DUSP16: variants seen among roughly 807,000 people sequenced by gnomAD.
DUSP16 encodes the protein dual specificity protein phosphatase 16.
DUSP16 carries 21 observed loss-of-function variants against 58.3 expected under a neutral mutation model. That is an observed-to-expected ratio of 0.36 (90% confidence interval 0.26 to 0.52). DUSP16 has a LOEUF of 0.52. Ranked by LOEUF, DUSP16 falls within the 20% of genes least tolerant of loss-of-function variation. The pLI is 0.94. For missense variants in DUSP16, 726 were observed against 819.0 expected (o/e 0.89, Z 1.39); for synonymous variants, 320 against 323.8 (o/e 0.99, Z 0.12).
intron 5 of DUSP16, among the ~76,000 whole-genome samples, 160 bp downstream of exon 5, chr12:12,486,868 T>A (rs1943692503): frequency 6.6e-6 from 1 of 152,230 alleles, no homozygotes; most frequent in Non-Finnish European, 1.5e-5. Context: ...CACGTCACCT[T>A]GACCACCAGA....
In DUSP16 at chr12:12,500,646, A is replaced by T. The variant is rs778221824; in HGVS notation, c.404T>A (p.Leu135His). The T allele has an allele frequency of 8.1e-6, 13 of 1,602,812 alleles. No individual in the cohort carries two copies. In the Admixed American group the frequency reaches 1.7e-4, roughly 21 times the overall value. Residue 135 changes from leucine (L) to histidine (H), a missense_variant, in exon 4 of 7, where the codon CTC (leucine) becomes CAC (histidine). Transcript: ENST00000298573. ...GACTAGAGTGGATTTTCCTTCACAG[A>T]GGCCAGGGAAACAACGAGAGAACTC... ...FAEFSRCFPG[L>H]CEGKSTLVPT...
rs556552789 is a variant in DUSP16 at position 12,475,173 on chromosome 12, G to A, written c.*1660C>T. The stretch of plus-strand genomic sequence containing the variant: ...AAAAACAGAGAAAAACCTGAGATAC[G>A]AGGCAGCAACTAGCGACACTTACAG... On this transcript the variant is annotated 3_prime_UTR_variant, in exon 7 of 7. Coordinates refer to ENST00000298573, the MANE Select transcript of DUSP16 (RefSeq NM_030640.3). 7.2e-5 allele frequency: 11 copies of A among 152,262 alleles called. No individual in the cohort carries two copies. The highest frequency in any genetic ancestry group is 5.2e-4 in the Admixed American group (8 of 15,300). 9.4% of individuals were successfully genotyped at this position (152,262 alleles called of 1,614,324 possible).
chr12:12,521,950 G>A lies in DUSP16; in HGVS notation c.-365-487C>T, dbSNP rs114093877. On this transcript the variant is annotated intron_variant, in intron 1 of 6. Coordinates refer to ENST00000298573, the MANE Select transcript of DUSP16 (RefSeq NM_030640.3). ...GAATTCCTGCGATGAATGGGTAGGT[G>A]TATATGTGTGTATGTGTGTGCACAT... Among the ~76,000 whole-genome samples the A allele has an allele frequency of 4.1e-3, 620 of 151,742 alleles. 4 individuals carry two copies. Among genetic ancestry groups the A allele is most frequent in the African/African-American group, 0.014 (578 of 41,100 alleles).
At chr12:12,483,662 G>A (rs1943619834) in intron 5 of DUSP16, among the ~76,000 whole-genome samples, 1 of 152,068 alleles carries the variant, frequency 6.6e-6, no homozygotes. Flanking sequence ...AAGAGCCCAG[G>A]AGACAGTGAA....
At chr12:12,511,496 T>A (rs1944079097) in intron 3 of DUSP16, among the ~76,000 whole-genome samples, 2 of 152,268 alleles carry the variant, frequency 1.3e-5, no homozygotes, top group Admixed American at 6.5e-5. Context: ...CTGACATTTT[T>A]AATCATGTTC....
chr12:12,500,494 T>A, intron 4 of DUSP16, 25 bp downstream of exon 4: 1 of 1,585,290 alleles, frequency 6.3e-7, no homozygotes, highest in Non-Finnish European at 8.6e-7. Flanking sequence ...AACCCAGCAA[T>A]GAAGGATATT....
chr12:12,547,531 T>TAAAAA (rs761142479), intron 1 of DUSP16, among the ~76,000 whole-genome samples: 1 of 66,656 alleles, frequency 1.5e-5, no homozygotes, highest in African/African-American at 4.9e-5. Context: ...TGAGTAGGCT[T>TAAAAA]AAAAAAAAAA....
intron 1 of DUSP16, among the ~76,000 whole-genome samples, chr12:12,542,602 T>G (rs1001519853): frequency 1.3e-5 from 2 of 152,030 alleles, no homozygotes; most frequent in Non-Finnish European, 2.9e-5. Context: ...ATTGCACACC[T>G]TCAAAGACGA....
chr12:12,486,977 A>G, intron 5 of DUSP16, 51 bp downstream of exon 5: 1 of 1,601,464 alleles, frequency 6.2e-7, no homozygotes, highest in Non-Finnish European at 8.5e-7. Flanking sequence ...GGGTTCACCT[A>G]CACATGAGAC....
chr12:12,552,292 A>T (rs1944740066), intron 1 of DUSP16, among the ~76,000 whole-genome samples: 1 of 151,994 alleles, frequency 6.6e-6, no homozygotes, highest in Non-Finnish European at 1.5e-5. Flanking sequence ...CTAAAAATAT[A>T]AAAATTAGCT....
intron 1 of DUSP16, among the ~76,000 whole-genome samples, chr12:12,543,864 G>T (rs1454695938): frequency 6.6e-6 from 1 of 151,496 alleles, no homozygotes. Context: ...ATTTGTATTT[G>T]TAATACAAAT....
chr12:12,531,617 T>C (rs1166750049), intron 1 of DUSP16, among the ~76,000 whole-genome samples: 1 of 152,268 alleles, frequency 6.6e-6, no homozygotes, highest in East Asian at 1.9e-4. Context: ...GAATCTCCTT[T>C]AAACTACTTT....
chr12:12,540,339 A>G (rs1029261409), intron 1 of DUSP16, among the ~76,000 whole-genome samples: 58 of 152,176 alleles, frequency 3.8e-4, no homozygotes, highest in Middle Eastern at 3.4e-3. Context: ...TAAAATATAT[A>G]AAAATATAAA....
intron 1 of DUSP16, among the ~76,000 whole-genome samples, chr12:12,561,779 G>C (rs1414245483): frequency 1.3e-5 from 2 of 151,694 alleles, no homozygotes. Context: ...CGCTCCTCTC[G>C]GCGGGGCCCG....
intron 1 of DUSP16, among the ~76,000 whole-genome samples, chr12:12,538,971 A>C (rs1944510514): frequency 6.6e-6 from 1 of 152,204 alleles, no homozygotes; most frequent in South Asian, 2.1e-4. Flanking sequence ...GTAGCTCTGA[A>C]CCTTAGTTAC....
intron 2 of DUSP16, among the ~76,000 whole-genome samples, chr12:12,520,313 CT>C (rs564384410): frequency 2.0e-5 from 3 of 152,100 alleles, no homozygotes; most frequent in East Asian, 1.9e-4. Flanking sequence ...CCTAAACAAA[CT>C]TTTTTTAAAA....
chr12:12,491,759 G>T (rs1057131245), intron 4 of DUSP16, among the ~76,000 whole-genome samples: 5 of 152,126 alleles, frequency 3.3e-5, no homozygotes, highest in Non-Finnish European at 7.3e-5. Context: ...ACTCTCATGA[G>T]ATCTAGCCTG....
intron 1 of DUSP16, among the ~76,000 whole-genome samples, chr12:12,559,471 A>C (rs1291350823): frequency 6.6e-6 from 1 of 152,176 alleles, no homozygotes; most frequent in East Asian, 1.9e-4. Flanking sequence ...TACTTCTTCA[A>C]ATTAAAGTAC....
Position 12,477,206 on chromosome 12 carries a change from T to C in DUSP16, c.1625A>G (p.Asp542Gly), listed in dbSNP as rs139231748. 8 of 1,613,960 alleles carry C rather than the reference T, an allele frequency of 5.0e-6. No individual in the cohort carries two copies. The East Asian group carries it at 1.6e-4, about 31-fold the overall frequency. ...GGTAGAGGTCTGGGGGGCCAAGATA[T>C]CCGAGTGCCAGCCCTTAAGGCCCAG... is the stretch of plus-strand genomic sequence containing the variant. ...AGLGLKGWHS[D>G]ILAPQTSTPS... Residue 542 changes from aspartate to glycine, a missense_variant, in exon 7 of 7, where the codon GAT becomes GGT. By Grantham distance (94) the Asp-to-Gly change is moderately conservative. Transcript: ENST00000298573. This position sits in a 1 kb window ranked among gnomAD's most constrained non-coding sequence, Gnocchi z 4.1.
Sources: allele counts gnomAD v4.1 joint callset (sites outside exome capture counted in the v4.1 genomes callset), GRCh38; gene constraint gnomAD v4.1.1; non-coding constraint Gnocchi (gnomAD v3.1); transcripts MANE v1.5; gene names NCBI Gene and HGNC (gene_info 2026-07-23, HGNC 2026-07-21).